The following PLCB4 variants were observed in gnomAD, a reference collection of about 807,000 sequenced individuals.
PLCB4 encodes the protein 1-phosphatidylinositol 4,5-bisphosphate phosphodiesterase beta-4.
In PLCB4, 77 loss-of-function variants were observed where a neutral mutation model predicts 178.8. The observed-to-expected ratio is 0.43, with a 90% CI of 0.36 to 0.52. The LOEUF (loss-of-function observed/expected upper bound fraction) is 0.52, where lower values mean the gene tolerates loss of function less well. PLCB4 is among the 20% of genes least tolerant of loss of function. PLCB4 has a pLI of 0.00. For missense variants in PLCB4, 1,024 were observed against 1,453.4 expected (o/e 0.70, Z 4.80); for synonymous variants, 496 against 490.8 (o/e 1.01, Z -0.14).
In PLCB4 at chr20:9,480,012, A is replaced by C. The variant is rs74772813; in HGVS notation, c.*1003A>C. ...TAGCATAATGAAAAACCCTCTCTCT[A>C]TATATATATGTGTATATGAATTATG... On this transcript the variant is annotated 3_prime_UTR_variant, in exon 40 of 40. Transcript: ENST00000378473. 9,412 of 152,452 alleles carry C rather than the reference A, an allele frequency of 0.062. 799 individuals carry two copies. Among genetic ancestry groups the C allele is most frequent in the East Asian group, 0.39 (2,010 of 5,158 alleles). 9.4% of individuals were successfully genotyped at this position (152,452 alleles called of 1,614,324 possible). A position where few individuals can be genotyped will look rare whatever the true frequency, so the allele number is the denominator to read the frequency against.
chr20:9,345,820 G>A, intron 7 of PLCB4, among the ~76,000 whole-genome samples: 1 of 152,136 alleles, frequency 6.6e-6, no homozygotes, highest in East Asian at 1.9e-4. Flanking sequence ...AAAAGATAAA[G>A]TCAGGTTATT....
In PLCB4 at chr20:9,338,939, A is replaced by G. The variant is rs2032843816; in HGVS notation, c.271A>G (p.Asn91Asp). The G allele has an allele frequency of 6.2e-7, 1 of 1,613,518 alleles. No homozygotes were observed. The highest frequency in any genetic ancestry group is 1.1e-5 in the South Asian group (1 of 91,062). Residue 91 changes from asparagine (N) to aspartate (D), a missense_variant, in exon 7 of 40, where the codon AAT (asparagine) becomes GAT (aspartate). Physicochemically the swap from Asn to Asp is conservative, Grantham distance 23. This residue lies in a region of PLCB4 where 225 missense variants were observed against 291.0 expected (regional missense o/e 0.77). Coordinates refer to ENST00000378473, the MANE Select transcript of PLCB4 (RefSeq NM_001377142.1). ...AALEAVGKSE[N>D]DLEGRIVCVC... is the part of the protein sequence containing the mutation. ...TCTTGAAGCTGTTGGAAAATCAGAA[A>G]ATGATCTGGAAGGGCGGATAGTTTG...
At chr20:9,317,835 AC>A (rs2094916323) in intron 4 of PLCB4, among the ~76,000 whole-genome samples, 1 of 152,370 alleles carries the variant, frequency 6.6e-6, no homozygotes, top group South Asian at 2.1e-4. Context: ...GTGGTGGCTC[AC>A]GCCTGTAATC....
chr20:9,262,109 C>A (rs578254160), intron 3 of PLCB4, among the ~76,000 whole-genome samples: 6 of 152,118 alleles, frequency 3.9e-5, no homozygotes, highest in Non-Finnish European at 8.8e-5. Context: ...TGTCTTCTAT[C>A]GTCAGTTGAA....
chr20:9,267,102 T>C (rs2094357029), intron 3 of PLCB4, among the ~76,000 whole-genome samples: 2 of 152,186 alleles, frequency 1.3e-5, no homozygotes, highest in African/African-American at 2.4e-5. Flanking sequence ...ACTCTTTTAA[T>C]CATTTGTTCC....
intron 3 of PLCB4, among the ~76,000 whole-genome samples, chr20:9,248,533 A>T (rs2094147756): frequency 6.6e-6 from 1 of 152,184 alleles, no homozygotes; most frequent in South Asian, 2.1e-4. Context: ...CATCGCTTAA[A>T]CATGTTAGAA....
rs369949483 is a variant in PLCB4 at position 9,203,209 on chromosome 20, T to G, written c.-78-14181T>G. 5.9e-5 allele frequency among the ~76,000 whole-genome samples: 9 copies of G among 152,058 alleles called. No individual in the cohort carries two copies. The East Asian group carries it at 1.7e-3, about 29-fold the overall frequency. On this transcript the variant is annotated intron_variant, in intron 2 of 39. Coordinates refer to ENST00000378473, the MANE Select transcript of PLCB4 (RefSeq NM_001377142.1). The stretch of plus-strand genomic sequence containing the variant: ...CTGGCTAGTAGATACATTTTATGTT[T>G]GTTGAGAATGTGACTAATGTAAAGG...
intron 2 of PLCB4, among the ~76,000 whole-genome samples, chr20:9,128,838 C>G (rs146174954): frequency 3.9e-5 from 6 of 152,270 alleles, no homozygotes; most frequent in African/African-American, 1.2e-4. Context: ...TCCTCCCTCC[C>G]CCAGCTCCTG....
chr20:9,206,322 T>G lies in PLCB4; in HGVS notation c.-78-11068T>G, dbSNP rs1601140238. 2.5e-5 allele frequency among the ~76,000 whole-genome samples: 3 copies of G among 119,334 alleles called. No individual in the cohort carries two copies. In the Admixed American group the frequency reaches 2.7e-4, roughly 11 times the overall value. 78.3% of individuals were successfully genotyped at this position (119,334 alleles called of 152,430 possible). A position where few individuals can be genotyped will look rare whatever the true frequency, so the allele number is the denominator to read the frequency against. On this transcript the variant is annotated intron_variant, in intron 2 of 39. Coordinates refer to ENST00000378473, the MANE Select transcript of PLCB4 (RefSeq NM_001377142.1). ...TTCTTTTTTTTTTTTTTTTTTTTTT[T>G]GGTCAGTTTTTCAGTAAGAAACCCT...
chr20:9,182,938 C>A (rs562444336), intron 2 of PLCB4, among the ~76,000 whole-genome samples: 1 of 152,244 alleles, frequency 6.6e-6, no homozygotes, highest in Admixed American at 6.5e-5. Flanking sequence ...AGGAAGAATA[C>A]GCTTACAGGG....
chr20:9,082,275 A>G (rs1448554243), intron 1 of PLCB4, among the ~76,000 whole-genome samples: 1 of 152,202 alleles, frequency 6.6e-6, no homozygotes, highest in Non-Finnish European at 1.5e-5. Flanking sequence ...TCAGTGCCAA[A>G]CAGAGAAAGC....
At chr20:9,306,673 T>A (rs552957156) in intron 3 of PLCB4, among the ~76,000 whole-genome samples, 3 of 152,214 alleles carry the variant, frequency 2.0e-5, no homozygotes, top group Non-Finnish European at 4.4e-5. Context: ...TCTTCCATGT[T>A]CTTTGCATTG....
At chr20:9,442,991 T>A (rs2042200711) in intron 30 of PLCB4, among the ~76,000 whole-genome samples, 1 of 152,120 alleles carries the variant, frequency 6.6e-6, no homozygotes, top group South Asian at 2.1e-4. Flanking sequence ...CAGCACAGAG[T>A]ACACATTCAT....
At chr20:9,128,499 C>T (rs755908770) in intron 2 of PLCB4, among the ~76,000 whole-genome samples, 3 of 152,142 alleles carry the variant, frequency 2.0e-5, no homozygotes, top group East Asian at 1.9e-4. Context: ...TCACTGCATC[C>T]TCTGCCTCCC....
chr20:9,141,583 T>A lies in PLCB4; in HGVS notation c.-79+45241T>A, dbSNP rs116803487. On this transcript the variant is annotated intron_variant, in intron 2 of 39. Transcript: ENST00000378473. ...GCAATCTTGTTTAAGTTCACTTAAT[T>A]TCCCTGAAATAATTTAATGCTGTAA... is the stretch of plus-strand genomic sequence containing the variant. Among the ~76,000 whole-genome samples the A allele has an allele frequency of 7.5e-3, 1,144 of 152,252 alleles. 16 individuals carry two copies. The highest frequency in any genetic ancestry group is 0.026 in the African/African-American group (1,092 of 41,570).
intron 2 of PLCB4, among the ~76,000 whole-genome samples, chr20:9,131,111 G>A (rs910708737): frequency 6.6e-6 from 1 of 152,020 alleles, no homozygotes; most frequent in African/African-American, 2.4e-5. Context: ...TTTCTACTCT[G>A]GGCCAGATCT....
At chr20:9,370,556 C>A (rs2036161032) in intron 9 of PLCB4, among the ~76,000 whole-genome samples, 1 of 152,112 alleles carries the variant, frequency 6.6e-6, no homozygotes, top group Non-Finnish European at 1.5e-5. Context: ...TGCCACATTC[C>A]TTTTTCATAA....
At chr20:9,440,618 A>G (rs78193168) in intron 30 of PLCB4, among the ~76,000 whole-genome samples, 3,123 of 152,306 alleles carry the variant, frequency 0.021, 90 homozygotes, top group African/African-American at 0.072. Context: ...AGCAAGTCAC[A>G]TGGCCCAGCT....
At position 9,480,675 on chromosome 20, in the gene PLCB4, G is replaced by A. The variant is rs1471081552; in HGVS notation, c.*1666G>A. 6.6e-6 allele frequency: 1 copy of A among 152,182 alleles called. No homozygotes were observed. Among genetic ancestry groups the A allele is most frequent in the Non-Finnish European group, 1.5e-5 (1 of 68,028 alleles). The allele number at this position is 152,182 out of a possible 1,614,324, so 9.4% of individuals were successfully genotyped here. ...GTTTTTCTCCTATTTATGATTTGAAGTGGATTCTGTAAAATATCTCTTGTT... is the reference window on the plus strand; with the variant it reads ...GTTTTTCTCCTATTTATGATTTGAAATGGATTCTGTAAAATATCTCTTGTT... On this transcript the variant is annotated 3_prime_UTR_variant, in exon 40 of 40. Transcript: ENST00000378473.
Sources: gnomAD v4.1 joint callset for allele counts (sites outside exome capture counted in the v4.1 genomes callset) on GRCh38, gnomAD v4.1.1 for gene constraint, gnomAD v4.1.1 regional missense constraint, MANE v1.5 for transcripts, NCBI Gene and HGNC (gene_info 2026-07-23, HGNC 2026-07-21) for gene names.